The following SMAD1 variants were observed in gnomAD, a reference collection of about 807,000 sequenced individuals.
SMAD1 encodes MAD, mothers against decapentaplegic homolog 1.
Under a neutral mutation model 41.6 loss-of-function variants are expected in SMAD1, and 6 were observed. The observed-to-expected ratio is 0.14, with a 90% CI of 0.08 to 0.28. The LOEUF (loss-of-function observed/expected upper bound fraction) is 0.28. Ranked by LOEUF, SMAD1 falls within the 10% of genes least tolerant of loss-of-function variation. The pLI is 1.00. For synonymous variants in SMAD1, 206 were observed against 203.2 expected (o/e 1.01, Z -0.12); for missense variants, 379 against 582.6 (o/e 0.65, Z 3.60).
At chr4:145,554,874 T>C (rs1254931097) in intron 6 of SMAD1, among the ~76,000 whole-genome samples, 1 of 152,220 alleles carries the variant, frequency 6.6e-6, no homozygotes, top group African/African-American at 2.4e-5. Flanking sequence ...AGTGAGGCAA[T>C]TATCTTTTAT....
rs60369536 is a variant in SMAD1 at position 145,488,476 on chromosome 4, TTGTG to T, written c.-177+6463_-177+6466del. 8.7e-5 allele frequency among the ~76,000 whole-genome samples: 13 copies of T among 148,734 alleles called. No individual in the cohort carries two copies. The South Asian group carries it at 1.1e-3, about 12-fold the overall frequency. On this transcript the variant is annotated intron_variant, in intron 1 of 6. Coordinates refer to ENST00000302085, the MANE Select transcript of SMAD1 (RefSeq NM_005900.3). The stretch of plus-strand genomic sequence containing the variant: ...CATGTATTATCCTCTCCCTGTCTTT[TTGTG>T]TGTGTGTGTGTGTGTGTGTGTGTGG...
rs549602822 is a variant in SMAD1, at chr4:145,554,020, A to G, written c.1234A>G (p.Ile412Val). 156 of 1,613,282 alleles carry G rather than the reference A, an allele frequency of 9.7e-5. No individual in the cohort carries two copies. The South Asian group carries it at 1.1e-3, about 11-fold the overall frequency. Residue 412 changes from isoleucine to valine, a missense_variant, in exon 6 of 7, where the codon ATA (isoleucine) becomes GTA (valine). By Grantham distance (29) the Ile-to-Val change is conservative. Transcript: ENST00000302085. The part of the protein sequence containing the change: ...TVYELTKMCT[I>V]RMSFVKGWGA... ...CTATGAGCTTACAAAAATGTGTACT[A>G]TACGTATGAGCTTTGTGAAGGTAAG...
At chr4:145,528,811 C>T (rs1156651295) in intron 2 of SMAD1, among the ~76,000 whole-genome samples, 1 of 152,214 alleles carries the variant, frequency 6.6e-6, no homozygotes, top group African/African-American at 2.4e-5. Flanking sequence ...TTGAGAGACA[C>T]CATAGCACGG....
chr4:145,516,315 G>A (rs186585028), intron 2 of SMAD1, among the ~76,000 whole-genome samples: 35 of 152,128 alleles, frequency 2.3e-4, no homozygotes, highest in Admixed American at 1.1e-3. Flanking sequence ...CCAACATTAC[G>A]TTTTTGTGAT....
chr4:145,546,838 A>C lies in SMAD1; in HGVS notation c.911A>C (p.Asn304Thr). 1 of 1,614,128 alleles carries C rather than the reference A, an allele frequency of 6.2e-7. No homozygotes were observed. The highest frequency in any genetic ancestry group is 8.5e-7 in the Non-Finnish European group (1 of 1,180,006). Residue 304 changes from asparagine (N) to threonine (T), a missense_variant, in exon 5 of 7, where the codon AAC becomes ACC. Coordinates refer to ENST00000302085, the MANE Select transcript of SMAD1 (RefSeq NM_005900.3). ...GTGGATGGTTTCACTGATCCTTCCAACAATAAGAACCGTTTCTGCCTTGGG... is the reference window on the plus strand; with the variant it reads ...GTGGATGGTTTCACTGATCCTTCCACCAATAAGAACCGTTTCTGCCTTGGG... ...VLVDGFTDPS[N>T]NKNRFCLGLL...
chr4:145,488,440 C>T (rs1017575990), intron 1 of SMAD1, among the ~76,000 whole-genome samples: 5 of 151,732 alleles, frequency 3.3e-5, no homozygotes, highest in African/African-American at 4.8e-5. Context: ...GGTATAGTTA[C>T]TCCAACTATT....
chr4:145,524,009 C>T (rs1411527471), intron 2 of SMAD1, among the ~76,000 whole-genome samples: 3 of 152,140 alleles, frequency 2.0e-5, no homozygotes, highest in Admixed American at 1.3e-4. Context: ...AAGGCATCCT[C>T]CCACCTCAGC....
intron 1 of SMAD1, among the ~76,000 whole-genome samples, chr4:145,510,551 T>A (rs1287536706): frequency 6.6e-6 from 1 of 152,192 alleles, no homozygotes; most frequent in Non-Finnish European, 1.5e-5. Context: ...AATGTTTTTA[T>A]TGATTTAGTT....
rs1232435060 is a variant in SMAD1, at chr4:145,514,182, C to A, written c.-176-256C>A. Among the ~76,000 whole-genome samples the A allele has an allele frequency of 6.6e-6, 1 of 151,808 alleles. No individual in the cohort carries two copies. Among genetic ancestry groups the A allele is most frequent in the Non-Finnish European group, 1.5e-5 (1 of 68,022 alleles). ...GAGGAGGGAGATAGCAATCTTAAGACCACCAGTCCTATCAGGTTAGGGCCC... is the reference window on the plus strand; with the variant it reads ...GAGGAGGGAGATAGCAATCTTAAGAACACCAGTCCTATCAGGTTAGGGCCC... On this transcript the variant is annotated intron_variant, in intron 1 of 6. Coordinates refer to ENST00000302085, the MANE Select transcript of SMAD1 (RefSeq NM_005900.3). The surrounding 1 kb of genome is among the most constrained non-coding windows in gnomAD (Gnocchi z 4.7).
chr4:145,531,967 C>T (rs1201106908), intron 2 of SMAD1, among the ~76,000 whole-genome samples: 1 of 152,150 alleles, frequency 6.6e-6, no homozygotes, highest in Admixed American at 6.5e-5. Context: ...TGTCTCATTA[C>T]TAGACTACTT....
At chr4:145,553,116 G>A (rs1158698223) in intron 5 of SMAD1, among the ~76,000 whole-genome samples, 1 of 144,094 alleles carries the variant, frequency 6.9e-6, no homozygotes, top group Non-Finnish European at 1.5e-5. Flanking sequence ...GTTTCACCGT[G>A]CTGCCCAGGC....
chr4:145,537,971 G>T (rs558368106), intron 2 of SMAD1, among the ~76,000 whole-genome samples: 2 of 152,340 alleles, frequency 1.3e-5, no homozygotes, highest in South Asian at 4.1e-4. Context: ...CGTGTGTGTT[G>T]TGAGAGGGAG....
At chr4:145,551,313 C>T (rs939623909) in intron 5 of SMAD1, among the ~76,000 whole-genome samples, 6 of 152,126 alleles carry the variant, frequency 3.9e-5, no homozygotes, top group Non-Finnish European at 8.8e-5. Flanking sequence ...AAACCCTGAC[C>T]TCATACCATA....
rs555604927 is a variant in SMAD1 at position 145,508,147 on chromosome 4, T to A, written c.-176-6291T>A. Among the ~76,000 whole-genome samples, 10 of 152,038 alleles carry A rather than the reference T, an allele frequency of 6.6e-5. No homozygotes were observed. In the South Asian group the frequency reaches 2.1e-3, roughly 32 times the overall value. ...TGTATTGAAGATATTACCTTAGTTGTCTTTCTAAAATGTAGATCTAATAAT... is the reference window on the plus strand; with the variant it reads ...TGTATTGAAGATATTACCTTAGTTGACTTTCTAAAATGTAGATCTAATAAT... On this transcript the variant is annotated intron_variant, in intron 1 of 6. Coordinates refer to ENST00000302085, the MANE Select transcript of SMAD1 (RefSeq NM_005900.3).
chr4:145,552,128 G>A (rs571041232), intron 5 of SMAD1, among the ~76,000 whole-genome samples: 1 of 152,204 alleles, frequency 6.6e-6, no homozygotes, highest in African/African-American at 2.4e-5. Context: ...AATATTTTCT[G>A]CTTCTTTATA....
In SMAD1 at chr4:145,546,796, C is replaced by T. The variant is rs1578823646; in HGVS notation, c.869C>T (p.Ser290Phe). The change falls in exon 5 of 7, where the codon TCC becomes TTC. Residue 290 changes from serine (S) to phenylalanine (F), a missense_variant. Physicochemically the swap from Ser to Phe is radical, Grantham distance 155. Transcript: ENST00000302085. ...NNRVGEAFHA[S>F]STSVLVDGFT... Reference sequence around the variant, plus strand: ...CGTGTGGGTGAAGCGTTCCATGCCTCCTCCACAAGTGTGTTGGTGGATGGT... The same window carrying T: ...CGTGTGGGTGAAGCGTTCCATGCCTTCTCCACAAGTGTGTTGGTGGATGGT... 6.2e-7 allele frequency: 1 copy of T among 1,614,116 alleles called. No individual in the cohort carries two copies. The highest frequency in any genetic ancestry group is 2.2e-5 in the East Asian group (1 of 44,880).
intron 1 of SMAD1, among the ~76,000 whole-genome samples, chr4:145,501,511 G>T: frequency 6.6e-6 from 1 of 152,114 alleles, no homozygotes; most frequent in Non-Finnish European, 1.5e-5. Context: ...GAGAGTTCAG[G>T]CCGTCCTGCT....
intron 6 of SMAD1, among the ~76,000 whole-genome samples, chr4:145,556,390 A>C (rs1732836902): frequency 6.6e-6 from 1 of 151,760 alleles, no homozygotes; most frequent in South Asian, 2.1e-4. Context: ...ATCTATGTAG[A>C]TATATATATA....
intron 2 of SMAD1, among the ~76,000 whole-genome samples, chr4:145,528,434 G>A (rs924359764): frequency 1.3e-5 from 2 of 152,066 alleles, no homozygotes; most frequent in Admixed American, 1.3e-4. Context: ...GAGACGGGGG[G>A]TTTCACTATG....
Sources: allele counts gnomAD v4.1 joint callset (sites outside exome capture counted in the v4.1 genomes callset), GRCh38; gene constraint gnomAD v4.1.1; non-coding constraint Gnocchi (gnomAD v3.1); transcripts MANE v1.5; gene names NCBI Gene and HGNC (gene_info 2026-07-23, HGNC 2026-07-21).